NUP210L: variants seen among roughly 807,000 people sequenced by gnomAD.
NUP210L encodes nucleoporin 210 like.
NUP210L carries 74 observed loss-of-function variants against 208.5 expected under a neutral mutation model. That is an observed-to-expected ratio of 0.35 (90% CI 0.29 to 0.43). The LOEUF is 0.43. Among genes scored for constraint, NUP210L ranks in the 20% least tolerant of loss-of-function variants. NUP210L has a pLI of 1.00. For synonymous variants in NUP210L, 780 were observed against 816.9 expected, an observed-to-expected ratio of 0.95 and a Z score of 0.77; for missense variants, 1,843 against 2,289.4, an observed-to-expected ratio of 0.81 and a Z score of 3.98.
chr1:154,105,416 G>C (rs921121695), intron 12 of NUP210L, among the ~76,000 whole-genome samples: 1 of 151,444 alleles, frequency 6.6e-6, no homozygotes, highest in East Asian at 2.0e-4. Flanking sequence ...TTGAACCCGG[G>C]GGGTGGAGGT....
chr1:154,066,656 G>T (rs576186556), intron 17 of NUP210L, among the ~76,000 whole-genome samples: 3 of 152,090 alleles, frequency 2.0e-5, no homozygotes, highest in Middle Eastern at 3.4e-3. Context: ...CCAGGAGCTG[G>T]TTTTTTTGAA....
chr1:153,997,092 T>C (rs1649932199), intron 37 of NUP210L, among the ~76,000 whole-genome samples: 1 of 152,006 alleles, frequency 6.6e-6, no homozygotes, highest in Non-Finnish European at 1.5e-5. Context: ...GCATCCTGCG[T>C]AACTGGGATT....
In NUP210L at chr1:154,082,284, G is replaced by A. The variant is rs146043572; in HGVS notation, c.2361+7137C>T. 2.9e-3 allele frequency among the ~76,000 whole-genome samples: 436 copies of A among 152,300 alleles called. 3 individuals carry two copies. Among genetic ancestry groups the A allele is most frequent in the African/African-American group, 0.01 (417 of 41,578 alleles). On this transcript the variant is annotated intron_variant, in intron 16 of 39. Transcript: ENST00000368559. The stretch of plus-strand genomic sequence containing the variant: ...TGAGGGCAGTCTTGTTGGGAACTGT[G>A]CCTTTAAAACCGTGGAGTCAGCTAA...
intron 5 of NUP210L, 146 bp downstream of exon 5, chr1:154,139,656 C>A: frequency 1.5e-6 from 1 of 661,716 alleles, no homozygotes; most frequent in South Asian, 2.0e-5. Context: ...TGGTGAAACC[C>A]TGTCTGTCTC....
intron 27 of NUP210L, among the ~76,000 whole-genome samples, chr1:154,031,014 T>C (rs1266045420): frequency 2.0e-5 from 3 of 152,106 alleles, no homozygotes; most frequent in Admixed American, 2.0e-4. Context: ...TCCTAAAGTG[T>C]TGCAATTACA....
At chr1:154,045,920 G>A in intron 27 of NUP210L, 149 bp downstream of exon 27, 2 of 642,858 alleles carry the variant, frequency 3.1e-6, no homozygotes, top group Non-Finnish European at 5.1e-6. Flanking sequence ...AGGAGGTGGA[G>A]GTTGCAGTGA....
chr1:154,097,125 G>A (rs959187281), intron 14 of NUP210L, among the ~76,000 whole-genome samples: 16 of 151,990 alleles, frequency 1.1e-4, no homozygotes, highest in Non-Finnish European at 1.8e-4. Flanking sequence ...AATAAACACA[G>A]AGGTCTCATA....
Position 154,100,163 on chromosome 1 carries a change from A to G in NUP210L, c.1820-20T>C. 1 of 1,613,106 alleles carries G rather than the reference A, an allele frequency of 6.2e-7. No individual in the cohort carries two copies. The highest frequency in any genetic ancestry group is 8.5e-7 in the Non-Finnish European group (1 of 1,179,274). Reference sequence around the variant, plus strand: ...GAATACCTGTGAATCAAAAACCATGATTTTGGCAGGGCGTGGTGGCTCAGG... The same window carrying G: ...GAATACCTGTGAATCAAAAACCATGGTTTTGGCAGGGCGTGGTGGCTCAGG... On this transcript the variant is annotated intron_variant, in intron 13 of 39. Transcript: ENST00000368559.
intron 31 of NUP210L, 52 bp downstream of exon 31, chr1:154,023,070 A>C: frequency 6.8e-7 from 1 of 1,466,968 alleles, no homozygotes; most frequent in Non-Finnish European, 9.5e-7. Context: ...ATACTAGCCT[A>C]ATATGCAAGA....
intron 16 of NUP210L, among the ~76,000 whole-genome samples, chr1:154,081,808 C>T (rs1419789959): frequency 6.6e-6 from 1 of 152,046 alleles, no homozygotes; most frequent in East Asian, 1.9e-4. Flanking sequence ...CCAGTGAGAC[C>T]CTGACTCTAC....
chr1:154,015,743 A>ACC (rs1340668018), intron 33 of NUP210L, among the ~76,000 whole-genome samples: 2 of 150,462 alleles, frequency 1.3e-5, no homozygotes, highest in African/African-American at 4.9e-5. Context: ...ACACACACAC[A>ACC]CACACACCCC....
Position 154,046,219 on chromosome 1 carries a change from A to T in NUP210L, c.3565-19T>A, listed in dbSNP as rs1162480444. The T allele has an allele frequency of 6.2e-7, 1 of 1,614,124 alleles. No individual in the cohort carries two copies. The highest frequency in any genetic ancestry group is 1.3e-5 in the African/African-American group (1 of 75,048). On this transcript the variant is annotated intron_variant, in intron 26 of 39. Coordinates refer to ENST00000368559, the Ensembl canonical transcript of NUP210L. ...CTGGCATCTGAAAATAAATAGCAGC[A>T]TTGTGCTATATATTCTGCCCAGTTG...
intron 16 of NUP210L, among the ~76,000 whole-genome samples, chr1:154,076,249 G>A (rs866203381): frequency 5.3e-5 from 8 of 151,790 alleles, no homozygotes; most frequent in East Asian, 1.9e-4. Flanking sequence ...GACTACAGGC[G>A]TGTGCCACCA....
At chr1:153,992,894 G>A in exon 40 of NUP210L, 2 of 1,613,582 alleles carry the variant, frequency 1.2e-6, no homozygotes, top group Non-Finnish European at 1.7e-6. Context: ...GGAGGTTGTA[G>A]ACTCATGAAG....
At chr1:154,061,116 G>A (rs759736529) in intron 18 of NUP210L, 70 bp from the exon 19 acceptor site, 52 of 1,069,142 alleles carry the variant, frequency 4.9e-5, no homozygotes, top group African/African-American at 7.8e-5. Flanking sequence ...GGTGGCTTAC[G>A]CTTGTAATCC....
intron 10 of NUP210L, among the ~76,000 whole-genome samples, chr1:154,122,870 G>T (rs571915633): frequency 2.1e-4 from 32 of 151,764 alleles, no homozygotes; most frequent in African/African-American, 7.7e-4. Flanking sequence ...ACCAGCCAGG[G>T]CAACATGGTG....
chr1:154,060,909 G>A (rs1315078925), intron 19 of NUP210L, 33 bp downstream of exon 19: 4 of 1,372,790 alleles, frequency 2.9e-6, no homozygotes, highest in South Asian at 1.2e-5. Flanking sequence ...CCTCCAATAT[G>A]ATTCCATTTA....
intron 17 of NUP210L, among the ~76,000 whole-genome samples, chr1:154,063,646 TAA>T (rs766784375): frequency 3.3e-5 from 5 of 152,146 alleles, no homozygotes; most frequent in Non-Finnish European, 7.4e-5. Flanking sequence ...TAGTAAGAAC[TAA>T]ATAAATGTAT....
chr1:154,150,246 T>C (rs560266663), intron 2 of NUP210L, among the ~76,000 whole-genome samples: 1 of 151,706 alleles, frequency 6.6e-6, no homozygotes, highest in African/African-American at 2.4e-5. Context: ...TGGTGGCACA[T>C]GTCTGTAATC....
Sources: gnomAD v4.1 joint callset for allele counts (sites outside exome capture counted in the v4.1 genomes callset) on GRCh38, gnomAD v4.1.1 for gene constraint, MANE v1.5 for transcripts, NCBI Gene and HGNC (gene_info 2026-07-23, HGNC 2026-07-21) for gene names.